B4GALNT3: variants seen among roughly 807,000 people sequenced by gnomAD.
B4GALNT3 encodes beta-1,4-N-acetylgalactosaminyltransferase 3.
Under a neutral mutation model 120.2 loss-of-function variants are expected in B4GALNT3, and 86 were observed. The observed-to-expected ratio is 0.72, with a 90% CI of 0.60 to 0.86. B4GALNT3 has a LOEUF of 0.86. Ranked by LOEUF, B4GALNT3 falls within the 40% of genes least tolerant of loss-of-function variation. The pLI is 0.00. For missense variants in B4GALNT3, 1,167 were observed against 1,298.9 expected, an observed-to-expected ratio of 0.90 and a Z score of 1.56; for synonymous variants, 518 against 510.4, an observed-to-expected ratio of 1.01 and a Z score of -0.20.
At chr12:537,991 A>T (rs887729408) in intron 3 of B4GALNT3, among the ~76,000 whole-genome samples, 7 of 152,238 alleles carry the variant, frequency 4.6e-5, no homozygotes, top group Admixed American at 3.3e-4. Context: ...CACCTGCACT[A>T]GATGACATCA....
chr12:559,382 G>A lies in B4GALNT3; in HGVS notation c.2849G>A (p.Arg950Gln), dbSNP rs112805900. ...GGGGGCATGAACACCAAGGAGTTCC[G>A]AGACCGCTGGGGCGGGGAAGACTGG... ...RIGGMNTKEFRDRWGGEDWEL... is the reference protein window; with the variant it reads ...RIGGMNTKEFQDRWGGEDWEL... The change falls in exon 19 of 20, where the codon CGA becomes CAA. Residue 950 changes from arginine (R) to glutamine (Q), a missense_variant. Arg to Gln is a conservative substitution (Grantham distance 43, BLOSUM62 1). Transcript: ENST00000266383. 3,659 of 1,614,054 alleles carry A rather than the reference G, an allele frequency of 2.3e-3. 12 individuals carry two copies. The highest frequency in any genetic ancestry group is 0.011 in the Middle Eastern group (66 of 6,060).
intron 1 of B4GALNT3, among the ~76,000 whole-genome samples, chr12:506,990 A>G (rs1416570334): frequency 6.6e-6 from 1 of 152,208 alleles, no homozygotes; most frequent in African/African-American, 2.4e-5. Context: ...TTTACCCAAC[A>G]TTGCAAAGGT....
intron 1 of B4GALNT3, among the ~76,000 whole-genome samples, chr12:532,967 A>G (rs1256660245): frequency 1.3e-5 from 2 of 152,214 alleles, no homozygotes; most frequent in African/African-American, 4.8e-5. Context: ...ACTCCCACTG[A>G]TGGGGCAGGC....
rs532960650 is a variant in B4GALNT3 at position 473,530 on chromosome 12, G to A, written c.169+12985G>A. On this transcript the variant is annotated intron_variant, in intron 1 of 19. Coordinates refer to ENST00000266383, the MANE Select transcript of B4GALNT3 (RefSeq NM_173593.4). ...GGGTTTCATACGTGGGTCTCTGGCT[G>A]TACTCTGCCACAATCATTTAATTAA... Among the ~76,000 whole-genome samples the A allele has an allele frequency of 1.4e-4, 21 of 152,292 alleles. No homozygotes were observed. The East Asian group carries it at 3.7e-3, about 27-fold the overall frequency.
intron 1 of B4GALNT3, among the ~76,000 whole-genome samples, chr12:504,284 A>AAAAAAC (rs1285733644): frequency 6.7e-6 from 1 of 149,224 alleles, no homozygotes; most frequent in Admixed American, 6.7e-5. Context: ...GTCTATAAAA[A>AAAAAAC]AAAAACAAAA....
At chr12:538,505 G>C (rs983191493) in intron 3 of B4GALNT3, among the ~76,000 whole-genome samples, 1 of 147,002 alleles carries the variant, frequency 6.8e-6, no homozygotes, top group Non-Finnish European at 1.5e-5. Context: ...GCTTCAGTGA[G>C]CCGAGATTGT....
rs561310985 is a variant in B4GALNT3 at position 561,951 on chromosome 12, G to A, written c.*500G>A. On this transcript the variant is annotated 3_prime_UTR_variant, in exon 20 of 20. Coordinates refer to ENST00000266383, the MANE Select transcript of B4GALNT3 (RefSeq NM_173593.4). The stretch of plus-strand genomic sequence containing the variant: ...GACTGTCCCCACGTGCAGGCCTCCC[G>A]CCCACTCCTATGTCCCTTGGGCGTT... 276 of 153,212 alleles carry A rather than the reference G, an allele frequency of 1.8e-3. 1 individual carries two copies. The highest frequency in any genetic ancestry group is 6.2e-3 in the African/African-American group (259 of 41,588). 9.5% of individuals were successfully genotyped at this position (153,212 alleles called of 1,614,324 possible).
intron 1 of B4GALNT3, among the ~76,000 whole-genome samples, chr12:490,059 C>A (rs965180647): frequency 2.0e-5 from 3 of 152,074 alleles, no homozygotes; most frequent in African/African-American, 7.2e-5. Flanking sequence ...AAATCTTGAA[C>A]TAAATGAAAA....
Position 548,382 on chromosome 12 carries a change from G to T in B4GALNT3, c.853+85G>T. On this transcript the variant is annotated intron_variant, in intron 9 of 19. Transcript: ENST00000266383. This position sits in a 1 kb window ranked among gnomAD's most constrained non-coding sequence, Gnocchi z 4.9. Reference sequence around the variant, plus strand: ...GGGATTTGGCAGGGGAGGAGGGGAGGAGGGGAGGAAGGAAGCTCGAGATGC... The same window carrying T: ...GGGATTTGGCAGGGGAGGAGGGGAGTAGGGGAGGAAGGAAGCTCGAGATGC... 7.3e-7 allele frequency: 1 copy of T among 1,366,220 alleles called. No homozygotes were observed. The highest frequency in any genetic ancestry group is 2.3e-5 in the East Asian group (1 of 42,932). The allele number at this position is 1,366,220 out of a possible 1,614,324, so 84.6% of individuals were successfully genotyped here.
At chr12:525,086 T>TTTTATTTA (rs575604135) in intron 1 of B4GALNT3, among the ~76,000 whole-genome samples, 3,847 of 130,592 alleles carry the variant, frequency 0.029, 179 homozygotes, top group African/African-American at 0.089. Flanking sequence ...AATAACACAA[T>TTTTATTTA]TTTATTTATT....
rs143033072 is a variant in B4GALNT3, at chr12:557,751, A to C, written c.2524A>C (p.Lys842Gln). 617 of 1,602,860 alleles carry C rather than the reference A, an allele frequency of 3.8e-4. 5 individuals are homozygous for C. The East Asian group carries it at 0.012, about 32-fold the overall frequency. The change falls in exon 16 of 20, where the codon AAG (lysine) becomes CAG (glutamine). Residue 842 changes from lysine (K) to glutamine (Q), a missense_variant. Around this residue, in one of 3 missense-constraint regions of B4GALNT3, gnomAD observed 983 missense variants for 1,102.5 expected, o/e 0.89. Coordinates refer to ENST00000266383, the MANE Select transcript of B4GALNT3 (RefSeq NM_173593.4). ...TGTTGAGATGGCACTGAAGAGGTCC[A>C]AGCTGCGGAGGTGAGGGGGACCACC... Reference protein sequence around the residue: ...MDVEMALKRSKLRSYQYVKLS... With the variant: ...MDVEMALKRSQLRSYQYVKLS...
intron 1 of B4GALNT3, among the ~76,000 whole-genome samples, chr12:497,936 C>G (rs1317931120): frequency 6.6e-6 from 1 of 152,160 alleles, no homozygotes; most frequent in Non-Finnish European, 1.5e-5. Flanking sequence ...TTCCTAAAGT[C>G]TCCTCCTGGG....
intron 1 of B4GALNT3, among the ~76,000 whole-genome samples, chr12:514,204 T>G (rs965727387): frequency 4.2e-4 from 64 of 150,800 alleles, no homozygotes; most frequent in East Asian, 5.8e-4. Flanking sequence ...TTTTGTTTTT[T>G]TTTTTTTTTT....
chr12:549,230 C>G (rs1565609303), intron 9 of B4GALNT3, among the ~76,000 whole-genome samples: 2 of 152,116 alleles, frequency 1.3e-5, no homozygotes, highest in Non-Finnish European at 2.9e-5. Context: ...CTGCTTTAAC[C>G]TGGATGCTGA....
At chr12:468,689 G>A (rs1209779753) in intron 1 of B4GALNT3, among the ~76,000 whole-genome samples, 2 of 152,228 alleles carry the variant, frequency 1.3e-5, no homozygotes, top group African/African-American at 4.8e-5. Flanking sequence ...GCCAGCCTGT[G>A]GCTTTTGGAT....
At chr12:545,084 C>G in intron 5 of B4GALNT3, 112 bp downstream of exon 5, 1 of 1,477,494 alleles carries the variant, frequency 6.8e-7, no homozygotes, top group Non-Finnish European at 9.0e-7. Flanking sequence ...TGTTAGTCCA[C>G]CCTCAGGAAG....
intron 1 of B4GALNT3, among the ~76,000 whole-genome samples, chr12:504,309 T>C (rs1273137264): frequency 1.5e-5 from 2 of 134,486 alleles, no homozygotes; most frequent in African/African-American, 6.5e-5. Context: ...AAACACAATT[T>C]TTCAAAAAAA....
At chr12:485,318 A>T (rs1946281384) in intron 1 of B4GALNT3, among the ~76,000 whole-genome samples, 7 of 152,210 alleles carry the variant, frequency 4.6e-5, no homozygotes. Flanking sequence ...AGTTGAGAGA[A>T]AAGGAGGGAG....
chr12:534,518 G>A (rs750812225), intron 1 of B4GALNT3, among the ~76,000 whole-genome samples: 1 of 152,142 alleles, frequency 6.6e-6, no homozygotes, highest in African/African-American at 2.4e-5. Context: ...GCCTTCCCAG[G>A]TGCGTGTAAG....
Sources: gnomAD v4.1 joint callset for allele counts (sites outside exome capture counted in the v4.1 genomes callset) on GRCh38, gnomAD v4.1.1 for gene constraint, gnomAD v4.1.1 regional missense constraint, Gnocchi (gnomAD v3.1) non-coding constraint, MANE v1.5 for transcripts, NCBI Gene and HGNC (gene_info 2026-07-23, HGNC 2026-07-21) for gene names.